The following EPHB2 variants were observed in gnomAD, a reference collection of about 807,000 sequenced individuals.
EPHB2 encodes the protein EPH receptor B2.
Under a neutral mutation model 96.4 loss-of-function variants are expected in EPHB2, and 18 were observed. The ratio of observed to expected loss-of-function variants is 0.19; its 90% CI spans 0.13 to 0.28. EPHB2 has a LOEUF of 0.28. EPHB2 is among the 10% of genes least tolerant of loss of function. The pLI, the probability that EPHB2 is intolerant of heterozygous loss-of-function variation, is 1.00. For missense variants in EPHB2, 989 were observed against 1,355.4 expected (o/e 0.73, Z 4.25); for synonymous variants, 506 against 534.1 (o/e 0.95, Z 0.72).
intron 3 of EPHB2, among the ~76,000 whole-genome samples, chr1:22,820,137 G>T (rs1645133339): frequency 6.6e-6 from 1 of 152,192 alleles, no homozygotes; most frequent in African/African-American, 2.4e-5. Flanking sequence ...CAGAAAGGTG[G>T]TGAGACCTAG....
chr1:22,807,780 G>T (rs1475714121), intron 3 of EPHB2, among the ~76,000 whole-genome samples: 2 of 152,232 alleles, frequency 1.3e-5, no homozygotes, highest in Non-Finnish European at 2.9e-5. Flanking sequence ...AAAGGTGAAT[G>T]GTTCTCAAAG....
At chr1:22,799,065 A>G (rs1382923713) in intron 3 of EPHB2, among the ~76,000 whole-genome samples, 1 of 152,150 alleles carries the variant, frequency 6.6e-6, no homozygotes, top group Non-Finnish European at 1.5e-5. Flanking sequence ...GCCAGGGTGC[A>G]TTGATTGAAT....
intron 3 of EPHB2, among the ~76,000 whole-genome samples, chr1:22,811,431 A>T (rs531216983): frequency 6.6e-6 from 1 of 152,224 alleles, no homozygotes; most frequent in Non-Finnish European, 1.5e-5. Context: ...GCAGAAAGTC[A>T]TCTTTTCCCT....
At chr1:22,776,352 C>A (rs1644453059) in intron 1 of EPHB2, among the ~76,000 whole-genome samples, 1 of 152,226 alleles carries the variant, frequency 6.6e-6, no homozygotes, top group Admixed American at 6.5e-5. Context: ...GCATTTTCTT[C>A]CCCTCCTTCC....
chr1:22,804,310 A>G (rs1644893182), intron 3 of EPHB2, among the ~76,000 whole-genome samples: 1 of 152,074 alleles, frequency 6.6e-6, no homozygotes. Context: ...AAACCAATCA[A>G]TCAATCAATC....
At chr1:22,738,973 G>T (rs1344557691) in intron 1 of EPHB2, among the ~76,000 whole-genome samples, 1 of 152,138 alleles carries the variant, frequency 6.6e-6, no homozygotes, top group African/African-American at 2.4e-5. Flanking sequence ...AGTCTCACCT[G>T]GCACAGTGAA....
At chr1:22,857,498 G>A (rs1645718561) in intron 3 of EPHB2, among the ~76,000 whole-genome samples, 1 of 152,072 alleles carries the variant, frequency 6.6e-6, no homozygotes, top group South Asian at 2.1e-4. Context: ...AGATGAGAGA[G>A]GTGACAGATG....
intron 1 of EPHB2, among the ~76,000 whole-genome samples, chr1:22,754,069 C>G (rs1042027350): frequency 6.6e-6 from 1 of 152,198 alleles, no homozygotes; most frequent in Non-Finnish European, 1.5e-5. Context: ...ACCCCAAATC[C>G]TGGGCCTGAG....
chr1:22,735,454 A>G (rs1490338209), intron 1 of EPHB2, among the ~76,000 whole-genome samples: 5 of 151,752 alleles, frequency 3.3e-5, no homozygotes, highest in Admixed American at 3.3e-4. Flanking sequence ...AAAAAAAAGA[A>G]GAAGAAGAAG....
chr1:22,788,854 A>C (rs1644651591), intron 3 of EPHB2, among the ~76,000 whole-genome samples: 1 of 150,650 alleles, frequency 6.6e-6, no homozygotes, highest in South Asian at 2.1e-4. Flanking sequence ...TCCTGGGTTC[A>C]AGCAATTCTT....
intron 3 of EPHB2, among the ~76,000 whole-genome samples, chr1:22,821,837 ACAGT>A (rs1186144265): frequency 6.6e-6 from 1 of 152,154 alleles, no homozygotes; most frequent in Non-Finnish European, 1.5e-5. Flanking sequence ...TCCTGCTCGG[ACAGT>A]CAGTTTACGA....
intron 3 of EPHB2, among the ~76,000 whole-genome samples, chr1:22,854,939 C>A (rs1030254834): frequency 1.3e-5 from 2 of 152,192 alleles, no homozygotes; most frequent in African/African-American, 2.4e-5. Flanking sequence ...ACCCACTCAA[C>A]CCAGCAAGCC....
At position 22,744,406 on chromosome 1, in the gene EPHB2, A is replaced by C. The variant is rs139314445; in HGVS notation, c.61+33363A>C. ...CAGAAGCCTTACTGATAACATAGTC[A>C]ACTAACACATATTTTGTATGTTGTA... On this transcript the variant is annotated intron_variant, in intron 1 of 15. Transcript: ENST00000374630. Among the ~76,000 whole-genome samples the C allele has an allele frequency of 3.2e-3, 477 of 151,408 alleles. 1 individual carries two copies. The highest frequency in any genetic ancestry group is 0.011 in the African/African-American group (442 of 41,354).
intron 7 of EPHB2, among the ~76,000 whole-genome samples, chr1:22,893,718 T>C (rs1026577070): frequency 6.6e-6 from 1 of 152,244 alleles, no homozygotes; most frequent in Non-Finnish European, 1.5e-5. Context: ...CTTTCTCATT[T>C]ATAAATGGGG....
intron 3 of EPHB2, among the ~76,000 whole-genome samples, chr1:22,799,919 A>G (rs946094772): frequency 6.6e-6 from 1 of 152,230 alleles, no homozygotes; most frequent in African/African-American, 2.4e-5. Context: ...ACCAGCCTCA[A>G]GTTCCCAGTT....
chr1:22,885,673 C>T, intron 6 of EPHB2, among the ~76,000 whole-genome samples: 1 of 152,228 alleles, frequency 6.6e-6, no homozygotes, highest in East Asian at 1.9e-4. Context: ...ACTTGGCTCT[C>T]CTGCCTCCCA....
At chr1:22,903,398 A>T (rs1339078019) in intron 9 of EPHB2, among the ~76,000 whole-genome samples, 1 of 152,244 alleles carries the variant, frequency 6.6e-6, no homozygotes, top group Non-Finnish European at 1.5e-5. Flanking sequence ...CCTGGCTCTG[A>T]GAAGGCTGAT....
At chr1:22,840,570 C>T (rs1270886788) in intron 3 of EPHB2, among the ~76,000 whole-genome samples, 4 of 152,220 alleles carry the variant, frequency 2.6e-5, no homozygotes, top group South Asian at 2.1e-4. Flanking sequence ...AAGCGATTCT[C>T]GTGCCTCAGC....
At chr1:22,881,211 G>A (rs1231889429) in intron 5 of EPHB2, among the ~76,000 whole-genome samples, 2 of 152,144 alleles carry the variant, frequency 1.3e-5, no homozygotes, top group East Asian at 1.9e-4. Context: ...GACCAGCCTG[G>A]CCAACATGGT....
Sources: allele counts gnomAD v4.1 joint callset (sites outside exome capture counted in the v4.1 genomes callset), GRCh38; gene constraint gnomAD v4.1.1; transcripts MANE v1.5; gene names NCBI Gene and HGNC (gene_info 2026-07-23, HGNC 2026-07-21).